PCDHGB4: variants seen among roughly 807,000 people sequenced by gnomAD.
PCDHGB4 encodes protocadherin gamma subfamily B, 4.
PCDHGB4 carries 38 observed loss-of-function variants against 60.5 expected under a neutral mutation model. The ratio of observed to expected loss-of-function variants is 0.63; its 90% CI spans 0.48 to 0.82. PCDHGB4 has a LOEUF of 0.82. PCDHGB4 is among the 40% of genes least tolerant of loss of function. PCDHGB4 has a pLI of 0.00. For missense variants in PCDHGB4, 1,109 were observed against 1,209.6 expected, an observed-to-expected ratio of 0.92 and a Z score of 1.23; for synonymous variants, 456 against 509.7, an observed-to-expected ratio of 0.89 and a Z score of 1.42.
intron 1 of PCDHGB4, chr5:141,393,714 A>G: frequency 6.2e-7 from 1 of 1,613,878 alleles, no homozygotes; most frequent in South Asian, 1.1e-5. Flanking sequence ...TACTGGGGAA[A>G]TATCAATAGC....
intron 1 of PCDHGB4, chr5:141,399,489 A>G (rs764497801): frequency 2.5e-6 from 4 of 1,614,008 alleles, no homozygotes; most frequent in South Asian, 1.1e-5. Context: ...CGTCCTACTT[A>G]GTCAGTGTAC....
Position 141,477,865 on chromosome 5 carries a change from T to A in PCDHGB4, c.2398-16942T>A, listed in dbSNP as rs1380570615. On this transcript the variant is annotated intron_variant, in intron 1 of 3. Transcript: ENST00000519479. This position sits in a 1 kb window ranked among gnomAD's most constrained non-coding sequence, Gnocchi z 4.9. ...GCTCGGTGGAGATGCTGCCTCGAGG[T>A]ACCTCAGCTGGCCACCTAGTGTCAC... 6.2e-7 allele frequency: 1 copy of A among 1,612,698 alleles called. No individual in the cohort carries two copies. Among genetic ancestry groups the A allele is most frequent in the Non-Finnish European group, 8.5e-7 (1 of 1,179,562 alleles).
intron 1 of PCDHGB4, among the ~76,000 whole-genome samples, chr5:141,439,431 G>A (rs2154558488): frequency 6.6e-6 from 1 of 152,298 alleles, no homozygotes; most frequent in Non-Finnish European, 1.5e-5. Flanking sequence ...AAATTCCCAG[G>A]AATATTTTAT....
chr5:141,443,938 G>T (rs1330111540), intron 1 of PCDHGB4, among the ~76,000 whole-genome samples: 1 of 152,014 alleles, frequency 6.6e-6, no homozygotes, highest in Non-Finnish European at 1.5e-5. Context: ...CTCACAGCAG[G>T]TTTCCTTATT....
chr5:141,400,221 C>T (rs377228541), intron 1 of PCDHGB4: 36 of 1,614,060 alleles, frequency 2.2e-5, no homozygotes, highest in Admixed American at 6.7e-5. Flanking sequence ...TCTCAGTGCT[C>T]TTCCTCCTGG....
chr5:141,458,556 T>C (rs1424881453), intron 1 of PCDHGB4, among the ~76,000 whole-genome samples: 1 of 145,670 alleles, frequency 6.9e-6, no homozygotes, highest in Non-Finnish European at 1.5e-5. Flanking sequence ...TTGTTTGTTT[T>C]GGTTTTGGGT....
In PCDHGB4 at chr5:141,431,141, G is replaced by A. The variant is rs1262504427; in HGVS notation, c.2397+40860G>A. 24 of 1,614,212 alleles carry A rather than the reference G, an allele frequency of 1.5e-5. No individual in the cohort carries two copies. The highest frequency in any genetic ancestry group is 2.0e-5 in the Non-Finnish European group (24 of 1,180,030). On this transcript the variant is annotated intron_variant, in intron 1 of 3. Coordinates refer to ENST00000519479, the MANE Select transcript of PCDHGB4 (RefSeq NM_003736.4). The surrounding 1 kb of genome is among the most constrained non-coding windows in gnomAD (Gnocchi z 4.8). ...AGAAGTAGAAGTAAGGGACATTAAC[G>A]ACAATGCGCCTTACTTTCGTGAAAG...
intron 1 of PCDHGB4, chr5:141,441,726 C>A: frequency 2.8e-6 from 1 of 353,524 alleles, no homozygotes; most frequent in Non-Finnish European, 5.6e-6. Flanking sequence ...GGCCCGCGAC[C>A]AGGACTAGCT....
At chr5:141,419,756 G>A in intron 1 of PCDHGB4, 7 of 1,614,008 alleles carry the variant, frequency 4.3e-6, no homozygotes, top group East Asian at 2.2e-5. Flanking sequence ...GCGTGCTTTG[G>A]GTGACAAGGA....
chr5:141,486,163 G>A lies in PCDHGB4; in HGVS notation c.2398-8644G>A. 2.5e-6 allele frequency: 4 copies of A among 1,614,212 alleles called. No individual in the cohort carries two copies. Among genetic ancestry groups the A allele is most frequent in the Non-Finnish European group, 3.4e-6 (4 of 1,180,034 alleles). The stretch of plus-strand genomic sequence containing the variant: ...CTCGCGATGGGGGTTCTCCAGCCAT[G>A]GAGCAACATTGCAGCCTTCGAGTGG... On this transcript the variant is annotated intron_variant, in intron 1 of 3. Transcript: ENST00000519479. This position sits in a 1 kb window ranked among gnomAD's most constrained non-coding sequence, Gnocchi z 5.0.
intron 1 of PCDHGB4, chr5:141,399,413 C>A (rs1456440098): frequency 1.2e-6 from 2 of 1,613,930 alleles, no homozygotes; most frequent in African/African-American, 1.3e-5. Context: ...CCGCCCCTCT[C>A]CTCCAGCATA....
At chr5:141,430,682 C>A (rs2097302907) in intron 1 of PCDHGB4, 1 of 1,361,564 alleles carries the variant, frequency 7.3e-7, no homozygotes, top group South Asian at 1.7e-5. Flanking sequence ...CCAACTGTCC[C>A]ATTCTATGGG....
intron 1 of PCDHGB4, chr5:141,393,572 G>C (rs1399932416): frequency 6.2e-7 from 1 of 1,613,908 alleles, no homozygotes; most frequent in South Asian, 1.1e-5. Context: ...AAGTCCTTGA[G>C]AACATGCCCC....
chr5:141,490,111 A>G lies in PCDHGB4; in HGVS notation c.2398-4696A>G. 6.2e-7 allele frequency: 1 copy of G among 1,614,244 alleles called. No individual in the cohort carries two copies. The highest frequency in any genetic ancestry group is 8.5e-7 in the Non-Finnish European group (1 of 1,180,042). On this transcript the variant is annotated intron_variant, in intron 1 of 3. Coordinates refer to ENST00000519479, the MANE Select transcript of PCDHGB4 (RefSeq NM_003736.4). The surrounding 1 kb of genome is among the most constrained non-coding windows in gnomAD (Gnocchi z 5.4). ...AGACCACACATCTGAGGCAGTGCGGAACCTCTTTGGCCTAGACCCTAGCAG... is the reference window on the plus strand; with the variant it reads ...AGACCACACATCTGAGGCAGTGCGGGACCTCTTTGGCCTAGACCCTAGCAG...
In PCDHGB4 at chr5:141,505,598, C is replaced by T. The variant is rs532473064; in HGVS notation, c.2545+117C>T. The T allele has an allele frequency of 1.4e-3, 2,157 of 1,556,732 alleles. 3 individuals are homozygous for T. Among genetic ancestry groups the T allele is most frequent in the Non-Finnish European group, 1.8e-3 (2,025 of 1,148,246 alleles). ...ACCTGTGTAGTTTCTCCAGATCTTT[C>T]GGCAGGTCTGAAAGGACCCACAATT... On this transcript the variant is annotated intron_variant, in intron 3 of 3. Coordinates refer to ENST00000519479, the MANE Select transcript of PCDHGB4 (RefSeq NM_003736.4).
rs769872504 is a variant in PCDHGB4, at chr5:141,394,062, A to G, written c.2397+3781A>G. 2.5e-6 allele frequency: 4 copies of G among 1,613,808 alleles called. No homozygotes were observed. The South Asian group carries it at 4.4e-5, about 18-fold the overall frequency. On this transcript the variant is annotated intron_variant, in intron 1 of 3. Coordinates refer to ENST00000519479, the MANE Select transcript of PCDHGB4 (RefSeq NM_003736.4). ...ATATTTGGACCGAGAAAATGTCTCT[A>G]TCTACAATATCACAGTGATGGCCTC... is the stretch of plus-strand genomic sequence containing the variant.
chr5:141,404,429 G>A (rs760246804), intron 1 of PCDHGB4: 1 of 1,613,682 alleles, frequency 6.2e-7, no homozygotes, highest in East Asian at 2.2e-5. Flanking sequence ...CTCCTTGGCA[G>A]AGGATACCAT....
intron 1 of PCDHGB4, among the ~76,000 whole-genome samples, chr5:141,480,916 A>C (rs991166066): frequency 6.6e-6 from 1 of 152,106 alleles, no homozygotes; most frequent in East Asian, 1.9e-4. Flanking sequence ...ATGGTGGCGC[A>C]TACCTGTAGT....
intron 2 of PCDHGB4, among the ~76,000 whole-genome samples, chr5:141,495,678 C>T (rs1340336428): frequency 6.6e-6 from 1 of 152,180 alleles, no homozygotes; most frequent in African/African-American, 2.4e-5. Context: ...CTGTGCCTGC[C>T]ATGGCATAAG....
Sources: allele counts gnomAD v4.1 joint callset (sites outside exome capture counted in the v4.1 genomes callset), GRCh38; gene constraint gnomAD v4.1.1; non-coding constraint Gnocchi (gnomAD v3.1); transcripts MANE v1.5; gene names NCBI Gene and HGNC (gene_info 2026-07-23, HGNC 2026-07-21).